The following TSPAN8 variants were observed in gnomAD, a reference collection of about 807,000 sequenced individuals.
TSPAN8 encodes tetraspanin 8.
In TSPAN8, 21 loss-of-function variants were observed where a neutral mutation model predicts 32.8. The observed-to-expected ratio is 0.64, with a 90% CI of 0.45 to 0.92. TSPAN8 has a LOEUF of 0.92. TSPAN8 is among the 40% of genes least tolerant of loss of function. The pLI, the probability that TSPAN8 is intolerant of heterozygous loss-of-function variation, is 0.00. For synonymous variants in TSPAN8, 95 were observed against 94.6 expected, an observed-to-expected ratio of 1.00 and a Z score of -0.03; for missense variants, 269 against 281.9, an observed-to-expected ratio of 0.95 and a Z score of 0.33.
chr12:71,134,385 CAATT>C (rs1425682462), intron 6 of TSPAN8, among the ~76,000 whole-genome samples: 1 of 152,122 alleles, frequency 6.6e-6, no homozygotes, highest in African/African-American at 2.4e-5. Context: ...CTAGGAATGA[CAATT>C]AATATGCTGG....
At chr12:71,146,191 A>G (rs1157828273) in intron 2 of TSPAN8, among the ~76,000 whole-genome samples, 1 of 152,164 alleles carries the variant, frequency 6.6e-6, no homozygotes, top group Non-Finnish European at 1.5e-5. Flanking sequence ...GAATTAGACA[A>G]TCTTTCTCAG....
intron 3 of TSPAN8, among the ~76,000 whole-genome samples, 200 bp downstream of exon 3, chr12:71,143,951 A>G (rs750629297): frequency 5.9e-5 from 9 of 152,152 alleles, no homozygotes; most frequent in Non-Finnish European, 7.4e-5. Flanking sequence ...AGATTTTTCC[A>G]CATCTAGCAC....
rs1302900761 is a variant in TSPAN8, at chr12:71,125,340, G to A, written c.708C>T (p.Asn236=). The A allele has an allele frequency of 9.3e-6, 15 of 1,612,218 alleles. No individual in the cohort carries two copies. The highest frequency in any genetic ancestry group is 1.2e-5 in the Non-Finnish European group (14 of 1,179,300). The change falls in exon 9 of 9, where the codon AAC becomes AAT. Residue 236 remains asparagine, a synonymous_variant. Coordinates refer to ENST00000247829, the MANE Select transcript of TSPAN8 (RefSeq NM_004616.3). ...GGTTGATGCATCCACAGATTCATTT[G>A]TTCCCGATCTGGCAATACAGGACCA... ...FSMVLYCQIG[N]K is the part of the protein sequence containing the mutation.
Position 71,157,766 on chromosome 12 carries a change from G to T in TSPAN8, c.-88C>A. On this transcript the variant is annotated 5_prime_UTR_variant, in exon 2 of 9. Transcript: ENST00000247829. ...CAATATGCTCTGGAGCAACTTGCCT[G>T]CAGAGATTTCTGTATCCACGGCTTC... The T allele has an allele frequency of 1.0e-6, 1 of 1,002,170 alleles. No homozygotes were observed. The highest frequency in any genetic ancestry group is 1.6e-6 in the Non-Finnish European group (1 of 635,872). The allele number at this position is 1,002,170 out of a possible 1,614,324, so 62.1% of individuals were successfully genotyped here.
intron 6 of TSPAN8, among the ~76,000 whole-genome samples, chr12:71,137,689 A>G (rs1871748185): frequency 1.3e-5 from 2 of 152,202 alleles, no homozygotes; most frequent in African/African-American, 4.8e-5. Context: ...TATTAAAACT[A>G]TTATTGATTT....
At chr12:71,154,985 C>T (rs1000182961) in intron 2 of TSPAN8, among the ~76,000 whole-genome samples, 3 of 152,126 alleles carry the variant, frequency 2.0e-5, no homozygotes, top group African/African-American at 7.2e-5. Context: ...TGTAATGGAG[C>T]TGATCTATTG....
chr12:71,125,478 G>T lies in TSPAN8; in HGVS notation c.661-91C>A, dbSNP rs1300252985. On this transcript the variant is annotated intron_variant, in intron 8 of 8. Coordinates refer to ENST00000247829, the MANE Select transcript of TSPAN8 (RefSeq NM_004616.3). ...ACAGAAAGAACATTATATATGAAAAGATTTTGTATATTGACAGTTCCAATC... is the reference window on the plus strand; with the variant it reads ...ACAGAAAGAACATTATATATGAAAATATTTTGTATATTGACAGTTCCAATC... 6 of 1,094,738 alleles carry T rather than the reference G, an allele frequency of 5.5e-6. No individual in the cohort carries two copies. The African/African-American group carries it at 7.9e-5, about 14-fold the overall frequency. 67.8% of individuals were successfully genotyped at this position (1,094,738 alleles called of 1,614,324 possible).
chr12:71,150,123 T>A (rs1872204410), intron 2 of TSPAN8, among the ~76,000 whole-genome samples: 1 of 152,192 alleles, frequency 6.6e-6, no homozygotes, highest in Non-Finnish European at 1.5e-5. Flanking sequence ...CCCTCAGGCT[T>A]ACTAGGATTG....
At chr12:71,147,093 T>G (rs1462631815) in intron 2 of TSPAN8, among the ~76,000 whole-genome samples, 1 of 152,026 alleles carries the variant, frequency 6.6e-6, no homozygotes, top group Non-Finnish European at 1.5e-5. Flanking sequence ...CCTCCAGAAC[T>G]ATAAGAAAAT....
chr12:71,127,224 G>A (rs1871375667), intron 8 of TSPAN8, among the ~76,000 whole-genome samples: 1 of 151,898 alleles, frequency 6.6e-6, no homozygotes, highest in African/African-American at 2.4e-5. Context: ...AGGGAGATAG[G>A]CCTAAGTCAT....
At position 71,157,805 on chromosome 12, in the gene TSPAN8, A is replaced by T; in HGVS notation, c.-109-18T>A. 1 of 708,568 alleles carries T rather than the reference A, an allele frequency of 1.4e-6. No individual in the cohort carries two copies. The highest frequency in any genetic ancestry group is 2.5e-6 in the Non-Finnish European group (1 of 398,966). 43.9% of individuals were successfully genotyped at this position (708,568 alleles called of 1,614,324 possible). ...ATCCACGGCTTCAGAGCAGAAAGAG[A>T]AAGCAAAGAAGTAGAGGGAGGAATA... On this transcript the variant is annotated intron_variant, in intron 1 of 8. Coordinates refer to ENST00000247829, the MANE Select transcript of TSPAN8 (RefSeq NM_004616.3).
At chr12:71,138,088 T>G (rs1191691900) in intron 5 of TSPAN8, 28 bp from the exon 6 acceptor site, 4 of 1,612,368 alleles carry the variant, frequency 2.5e-6, no homozygotes, top group Non-Finnish European at 3.4e-6. Flanking sequence ...TTTTACATTA[T>G]TCACGCCACA....
intron 2 of TSPAN8, among the ~76,000 whole-genome samples, chr12:71,154,663 C>T (rs1416797284): frequency 6.6e-6 from 1 of 152,230 alleles, no homozygotes; most frequent in South Asian, 2.1e-4. Flanking sequence ...TTTGGAACAT[C>T]TTTAATAAAA....
intron 7 of TSPAN8, 78 bp from the exon 8 acceptor site, chr12:71,129,492 G>T: frequency 7.3e-7 from 1 of 1,363,664 alleles, no homozygotes; most frequent in Non-Finnish European, 9.7e-7. Flanking sequence ...TTATTAATCT[G>T]GTTGACTTTT....
At chr12:71,142,308 G>A (rs1871926415) in intron 3 of TSPAN8, among the ~76,000 whole-genome samples, 1 of 152,134 alleles carries the variant, frequency 6.6e-6, no homozygotes. Flanking sequence ...AGATGTGGAG[G>A]AGCACCCTCT....
At chr12:71,152,729 T>A (rs1872298266) in intron 2 of TSPAN8, among the ~76,000 whole-genome samples, 2 of 152,184 alleles carry the variant, frequency 1.3e-5, no homozygotes, top group South Asian at 4.1e-4. Context: ...ACAAAATTCA[T>A]ACACTTCAGC....
chr12:71,155,854 C>A (rs1872409768), intron 2 of TSPAN8, among the ~76,000 whole-genome samples: 1 of 151,914 alleles, frequency 6.6e-6, no homozygotes, highest in Admixed American at 6.6e-5. Context: ...GCCTCAGCCT[C>A]CCAAGTAGCT....
chr12:71,135,711 G>A (rs10506626), intron 6 of TSPAN8, among the ~76,000 whole-genome samples: 48,495 of 151,958 alleles, frequency 0.32, 8,557 homozygotes, highest in Non-Finnish European at 0.41. Flanking sequence ...GATTGGCATG[G>A]AGACCTTGAA....
chr12:71,125,469 A>G, intron 8 of TSPAN8, 82 bp from the exon 9 acceptor site: 1 of 1,187,024 alleles, frequency 8.4e-7, no homozygotes, highest in Non-Finnish European at 1.2e-6. Flanking sequence ...AGAACATTAT[A>G]TATGAAAAGA....
Sources: allele counts gnomAD v4.1 joint callset (sites outside exome capture counted in the v4.1 genomes callset), GRCh38; gene constraint gnomAD v4.1.1; transcripts MANE v1.5; gene names NCBI Gene and HGNC (gene_info 2026-07-23, HGNC 2026-07-21).